Variants in PCLO observed in about 807,000 individuals in gnomAD.
The protein encoded by PCLO is protein piccolo.
Under a neutral mutation model 427.5 loss-of-function variants are expected in PCLO, and 82 were observed. The observed-to-expected ratio is 0.19, with a 90% CI of 0.16 to 0.23. The LOEUF (loss-of-function observed/expected upper bound fraction) is 0.23, where lower values mean the gene tolerates loss of function less well. Among genes scored for constraint, PCLO ranks in the 10% least tolerant of loss-of-function variants. PCLO has a pLI of 1.00. For missense variants in PCLO, 6,239 were observed against 6,115.9 expected (o/e 1.02, Z -0.67); for synonymous variants, 2,357 against 2,155.4 (o/e 1.09, Z -2.59).
intron 6 of PCLO, among the ~76,000 whole-genome samples, chr7:82,922,154 C>T (rs898405008): frequency 6.6e-6 from 1 of 151,958 alleles, no homozygotes; most frequent in African/African-American, 2.4e-5. Context: ...TAAATTAGTT[C>T]AGCCACTGTG....
intron 20 of PCLO, among the ~76,000 whole-genome samples, chr7:82,810,161 A>G (rs946834885): frequency 6.6e-6 from 1 of 151,582 alleles, no homozygotes; most frequent in Admixed American, 6.6e-5. Context: ...TATGTTATTG[A>G]GGGAAATAAT....
intron 1 of PCLO, among the ~76,000 whole-genome samples, chr7:83,156,858 A>G (rs536672390): frequency 2.8e-4 from 42 of 152,246 alleles, no homozygotes; most frequent in African/African-American, 9.9e-4. Context: ...TCCAAATGCT[A>G]GCAGCATTGA....
At chr7:83,100,897 C>T (rs977624458) in intron 3 of PCLO, among the ~76,000 whole-genome samples, 4 of 151,966 alleles carry the variant, frequency 2.6e-5, no homozygotes, top group African/African-American at 4.8e-5. Flanking sequence ...ATACACACAG[C>T]GATATACAAA....
chr7:82,808,004 G>A (rs1697648028), intron 20 of PCLO, among the ~76,000 whole-genome samples: 1 of 151,864 alleles, frequency 6.6e-6, no homozygotes. Flanking sequence ...AAAATGTAAA[G>A]GTAATGTGAG....
chr7:82,990,618 T>G (rs1467974683), intron 3 of PCLO, among the ~76,000 whole-genome samples: 1 of 152,154 alleles, frequency 6.6e-6, no homozygotes, highest in Non-Finnish European at 1.5e-5. Flanking sequence ...AATCCGTAAC[T>G]ACTACAAATA....
At chr7:83,104,611 C>T (rs1790809680) in intron 3 of PCLO, among the ~76,000 whole-genome samples, 1 of 151,696 alleles carries the variant, frequency 6.6e-6, no homozygotes, top group African/African-American at 2.4e-5. Context: ...CATAAGCAAT[C>T]AAAAAAAGCT....
intron 3 of PCLO, among the ~76,000 whole-genome samples, chr7:82,991,990 G>T (rs541476997): frequency 1.3e-5 from 2 of 152,010 alleles, no homozygotes; most frequent in South Asian, 4.2e-4. Context: ...TGAGTTTCAG[G>T]GACTCAGACA....
intron 22 of PCLO, among the ~76,000 whole-genome samples, chr7:82,795,149 G>A (rs28652986): frequency 0.052 from 7,916 of 152,006 alleles, 656 homozygotes; most frequent in African/African-American, 0.18. Flanking sequence ...ATGACTAGAA[G>A]TCTAATTTTC....
At chr7:82,910,549 TTG>T (rs1333196958) in intron 7 of PCLO, among the ~76,000 whole-genome samples, 4 of 152,072 alleles carry the variant, frequency 2.6e-5, no homozygotes, top group Non-Finnish European at 5.9e-5. Flanking sequence ...AAAGCTTATA[TTG>T]TCTTTTTTTT....
intron 9 of PCLO, among the ~76,000 whole-genome samples, chr7:82,881,768 T>C (rs969018937): frequency 5.9e-5 from 9 of 152,052 alleles, no homozygotes; most frequent in Admixed American, 1.3e-4. Context: ...CTTAGCCTCC[T>C]GAGTAGCTGG....
chr7:82,927,479 T>C (rs951472062), intron 6 of PCLO, among the ~76,000 whole-genome samples: 3 of 152,204 alleles, frequency 2.0e-5, no homozygotes, highest in African/African-American at 4.8e-5. Context: ...AATAGCTTTC[T>C]AGAGAGTGCC....
At chr7:83,160,072 C>T (rs958575939) in intron 1 of PCLO, among the ~76,000 whole-genome samples, 2 of 152,074 alleles carry the variant, frequency 1.3e-5, no homozygotes, top group African/African-American at 4.8e-5. Flanking sequence ...ACAGTGTCAC[C>T]CATTGCTGAT....
At chr7:82,962,521 C>A (rs1795676240) in intron 4 of PCLO, among the ~76,000 whole-genome samples, 1 of 151,880 alleles carries the variant, frequency 6.6e-6, no homozygotes, top group Admixed American at 6.6e-5. Flanking sequence ...TATAACCCAA[C>A]TATGGAGATT....
At chr7:83,074,847 A>G (rs1160085683) in intron 3 of PCLO, among the ~76,000 whole-genome samples, 1 of 152,182 alleles carries the variant, frequency 6.6e-6, no homozygotes. Flanking sequence ...AAGAAAGGAG[A>G]AACATACCAC....
At chr7:82,890,567 T>A (rs1046801253) in intron 9 of PCLO, among the ~76,000 whole-genome samples, 3 of 152,026 alleles carry the variant, frequency 2.0e-5, no homozygotes, top group Non-Finnish European at 4.4e-5. Context: ...TTAAAATAGA[T>A]TTAACGTTAT....
At chr7:82,970,822 T>C (rs1282273622) in intron 3 of PCLO, among the ~76,000 whole-genome samples, 1 of 151,826 alleles carries the variant, frequency 6.6e-6, no homozygotes, top group Non-Finnish European at 1.5e-5. Flanking sequence ...ATTGATCAGG[T>C]TTTTCACAGT....
chr7:83,150,584 G>A (rs1792104546), intron 2 of PCLO, among the ~76,000 whole-genome samples: 1 of 151,974 alleles, frequency 6.6e-6, no homozygotes, highest in South Asian at 2.1e-4. Context: ...TCTAAAGCTT[G>A]TGGCTGAGTG....
intron 3 of PCLO, among the ~76,000 whole-genome samples, chr7:83,079,265 T>G (rs11562068): frequency 0.28 from 42,860 of 151,988 alleles, 7,159 homozygotes; most frequent in East Asian, 0.56. Flanking sequence ...AGTGTTCACT[T>G]AAAACCAACA....
chr7:83,146,694 T>C (rs1584086054), intron 2 of PCLO, among the ~76,000 whole-genome samples: 1 of 152,084 alleles, frequency 6.6e-6, no homozygotes, highest in South Asian at 2.1e-4. Context: ...CCTCTCGGGT[T>C]CAAGTGATTC....
Sources: allele counts gnomAD v4.1 joint callset (sites outside exome capture counted in the v4.1 genomes callset), GRCh38; gene constraint gnomAD v4.1.1; transcripts MANE v1.5; gene names NCBI Gene and HGNC (gene_info 2026-07-23, HGNC 2026-07-21).